CAMKMT: variants seen among roughly 807,000 people sequenced by gnomAD.
CAMKMT encodes calmodulin-lysine N-methyltransferase, also known as CaM KMT.
In CAMKMT, 53 loss-of-function variants were observed where a neutral mutation model predicts 48.0. That is an observed-to-expected ratio of 1.10 (90% CI 0.89 to 1.39). The LOEUF (loss-of-function observed/expected upper bound fraction) is 1.39, where lower values mean the gene tolerates loss of function less well. CAMKMT is among the 40% of genes most tolerant of loss of function. The pLI, the probability that CAMKMT is intolerant of heterozygous loss-of-function variation, is 0.00. For synonymous variants in CAMKMT, 165 were observed against 152.3 expected, an observed-to-expected ratio of 1.08 and a Z score of -0.61; for missense variants, 428 against 402.7, an observed-to-expected ratio of 1.06 and a Z score of -0.54.
At chr2:44,771,995 T>C (rs779609368) in intron 10 of CAMKMT, 41 bp from the exon 11 acceptor site, 28 of 1,354,412 alleles carry the variant, frequency 2.1e-5, no homozygotes, top group African/African-American at 5.8e-5. Flanking sequence ...AGATCCCTAA[T>C]TGGAGTCCCC....
At chr2:44,717,584 T>G (rs1678238517) in intron 7 of CAMKMT, among the ~76,000 whole-genome samples, 1 of 152,192 alleles carries the variant, frequency 6.6e-6, no homozygotes, top group Admixed American at 6.5e-5. Flanking sequence ...TATTCTTTTT[T>G]AGTGCCTCAG....
chr2:44,668,513 A>G (rs887703361), intron 3 of CAMKMT, among the ~76,000 whole-genome samples: 45 of 152,218 alleles, frequency 3.0e-4, no homozygotes, highest in African/African-American at 1.1e-3. Context: ...TTGACTCCAC[A>G]GTGCCCTCTA....
chr2:44,691,559 AT>A (rs1676656072), intron 3 of CAMKMT, among the ~76,000 whole-genome samples: 2 of 152,176 alleles, frequency 1.3e-5, no homozygotes, highest in Non-Finnish European at 2.9e-5. Context: ...TACTTGAGTA[AT>A]TTTTTATGCC....
At chr2:44,681,823 C>T (rs1368123708) in intron 3 of CAMKMT, among the ~76,000 whole-genome samples, 1 of 152,110 alleles carries the variant, frequency 6.6e-6, no homozygotes, top group African/African-American at 2.4e-5. Context: ...TTCCTTCATT[C>T]ATCTGGTTTT....
At chr2:44,652,700 T>G (rs1369032997) in intron 3 of CAMKMT, among the ~76,000 whole-genome samples, 1 of 152,212 alleles carries the variant, frequency 6.6e-6, no homozygotes, top group African/African-American at 2.4e-5. Flanking sequence ...ACATATCCTT[T>G]AAGAGAAAAG....
intron 3 of CAMKMT, among the ~76,000 whole-genome samples, chr2:44,567,277 A>G (rs565373938): frequency 8.5e-5 from 13 of 152,286 alleles, no homozygotes; most frequent in African/African-American, 3.1e-4. Flanking sequence ...TGTTGGGCTC[A>G]TGTGACATAT....
intron 3 of CAMKMT, among the ~76,000 whole-genome samples, chr2:44,548,114 T>A (rs569693461): frequency 6.6e-6 from 1 of 152,324 alleles, no homozygotes; most frequent in South Asian, 2.1e-4. Context: ...AATGCTTGCC[T>A]TCAAATGGGC....
chr2:44,414,290 C>G (rs1251443219), intron 3 of CAMKMT, among the ~76,000 whole-genome samples: 1 of 152,264 alleles, frequency 6.6e-6, no homozygotes, highest in East Asian at 1.9e-4. Context: ...AACAAAGTTC[C>G]TGAAGATCAG....
intron 3 of CAMKMT, among the ~76,000 whole-genome samples, chr2:44,440,071 G>C (rs533305394): frequency 6.6e-6 from 1 of 152,282 alleles, no homozygotes; most frequent in South Asian, 2.1e-4. Flanking sequence ...TGAGAAAGGA[G>C]AGTGCTTAGA....
intron 3 of CAMKMT, among the ~76,000 whole-genome samples, chr2:44,413,467 C>T (rs376643151): frequency 3.5e-4 from 53 of 152,112 alleles, no homozygotes; most frequent in East Asian, 1.2e-3. Context: ...GCCTGGACAA[C>T]GTAGTGAAAC....
intron 3 of CAMKMT, among the ~76,000 whole-genome samples, chr2:44,573,367 T>G (rs185914868): frequency 7.3e-4 from 111 of 152,102 alleles, no homozygotes; most frequent in African/African-American, 2.4e-3. Flanking sequence ...ATTTTCTCCC[T>G]TCCTATAGGT....
intron 3 of CAMKMT, among the ~76,000 whole-genome samples, chr2:44,467,045 G>A (rs1366675325): frequency 6.6e-6 from 1 of 152,148 alleles, no homozygotes; most frequent in African/African-American, 2.4e-5. Flanking sequence ...GAGTCCAGGA[G>A]TTTGAGATCA....
intron 1 of CAMKMT, among the ~76,000 whole-genome samples, chr2:44,363,073 T>C (rs1305387174): frequency 6.6e-6 from 1 of 152,190 alleles, no homozygotes; most frequent in Non-Finnish European, 1.5e-5. Flanking sequence ...TGGGGATCAC[T>C]TTGTTTGCAG....
At chr2:44,470,759 C>G (rs1668371382) in intron 3 of CAMKMT, among the ~76,000 whole-genome samples, 2 of 152,036 alleles carry the variant, frequency 1.3e-5, no homozygotes, top group Admixed American at 6.6e-5. Context: ...TGTCAGTTGG[C>G]AAAAAGTAAT....
At chr2:44,393,512 C>T (rs1681545061) in intron 3 of CAMKMT, 1 of 152,170 alleles carries the variant, frequency 6.6e-6, no homozygotes, top group African/African-American at 2.4e-5. Context: ...AAAGTGCTTA[C>T]CTTTAACTAG....
chr2:44,394,239 G>A (rs1221217871), intron 3 of CAMKMT, among the ~76,000 whole-genome samples: 1 of 151,872 alleles, frequency 6.6e-6, no homozygotes, highest in Non-Finnish European at 1.5e-5. Context: ...TAAGTCTGGG[G>A]GATGTATTGG....
chr2:44,608,230 G>A (rs1376702049), intron 3 of CAMKMT, among the ~76,000 whole-genome samples: 1 of 151,466 alleles, frequency 6.6e-6, no homozygotes, highest in East Asian at 1.9e-4. Context: ...CCACCACCGC[G>A]CCTGGCTAAT....
chr2:44,549,649 ACACTTCGTGG>A, intron 3 of CAMKMT: 1 of 603,386 alleles, frequency 1.7e-6, no homozygotes, highest in Middle Eastern at 2.5e-4. Flanking sequence ...TATTTAAGAA[ACACTTCGTGG>A]CAGAAGATTA....
intron 3 of CAMKMT, among the ~76,000 whole-genome samples, chr2:44,540,596 C>T (rs576640943): frequency 6.6e-6 from 1 of 152,116 alleles, no homozygotes; most frequent in Admixed American, 6.5e-5. Flanking sequence ...AAACAAAACA[C>T]AAAAATTAGC....
Sources: allele counts gnomAD v4.1 joint callset (sites outside exome capture counted in the v4.1 genomes callset), GRCh38; gene constraint gnomAD v4.1.1; transcripts MANE v1.5; gene names NCBI Gene and HGNC (gene_info 2026-07-23, HGNC 2026-07-21).